Variants in SDK1 observed in about 807,000 individuals in gnomAD.
The protein encoded by SDK1 is sidekick cell adhesion molecule 1.
A neutral mutation model predicts 245.5 loss-of-function variants in SDK1; 157 were observed. That is an observed-to-expected ratio of 0.64 (90% CI 0.56 to 0.73). SDK1 has a LOEUF of 0.73. SDK1 is among the 30% of genes least tolerant of loss of function. The pLI is 0.00. For missense variants in SDK1, 3,583 were observed against 3,002.3 expected (o/e 1.19, Z -4.52); for synonymous variants, 1,647 against 1,278.5 (o/e 1.29, Z -6.15).
rs1781455378 is a variant in SDK1 at position 3,958,783 on chromosome 7, C to T, written c.1151-148C>T. On this transcript the variant is annotated intron_variant, in intron 7 of 44. Coordinates refer to ENST00000404826, the MANE Select transcript of SDK1 (RefSeq NM_152744.4). The stretch of plus-strand genomic sequence containing the variant: ...GTAAATTGCCTTTGGCCTGTGCTCA[C>T]TGAGTTCTGAGTTTGTATGCACGAT... 8.8e-6 allele frequency: 6 copies of T among 684,500 alleles called. 1 individual carries two copies. In the South Asian group the frequency reaches 1.1e-4, roughly 12 times the overall value. The allele number at this position is 684,500 out of a possible 1,614,324, so 42.4% of individuals were successfully genotyped here. A position where few individuals can be genotyped will look rare whatever the true frequency, so the allele number is the denominator to read the frequency against.
chr7:3,882,105 G>C (rs570296640), intron 5 of SDK1, among the ~76,000 whole-genome samples: 1 of 152,134 alleles, frequency 6.6e-6, no homozygotes, highest in African/African-American at 2.4e-5. Flanking sequence ...CAAGTGAAAG[G>C]GGAAACTCCT....
intron 4 of SDK1, among the ~76,000 whole-genome samples, chr7:3,723,935 T>G (rs545275568): frequency 5.0e-5 from 6 of 120,300 alleles, no homozygotes; most frequent in African/African-American, 1.9e-4. Context: ...TATATATATA[T>G]ATATATATAG....
intron 4 of SDK1, among the ~76,000 whole-genome samples, chr7:3,653,546 G>A (rs1247406624): frequency 2.6e-5 from 4 of 152,270 alleles, no homozygotes; most frequent in African/African-American, 9.6e-5. Context: ...GGCAGGAGAA[G>A]CCAGTGGAGG....
At position 4,183,164 on chromosome 7, in the gene SDK1, G is replaced by A. The variant is rs372528134; in HGVS notation, c.5098+4578G>A. ...GGCCACAGGACCCCCTAAGCCGTGA[G>A]TCGTGAGTCATGAGTCCAGATGGGG... On this transcript the variant is annotated intron_variant, in intron 35 of 44. Coordinates refer to ENST00000404826, the MANE Select transcript of SDK1 (RefSeq NM_152744.4). Among the ~76,000 whole-genome samples, 16 of 152,328 alleles carry A rather than the reference G, an allele frequency of 1.1e-4. 1 individual carries two copies. The highest frequency in any genetic ancestry group is 3.8e-4 in the African/African-American group (16 of 41,576).
At chr7:3,363,706 A>G (rs1213572835) in intron 1 of SDK1, among the ~76,000 whole-genome samples, 1 of 152,170 alleles carries the variant, frequency 6.6e-6, no homozygotes, top group African/African-American at 2.4e-5. Flanking sequence ...TGCAGTTCAC[A>G]GTAGGGTTTG....
chr7:4,138,767 G>GAA (rs1179746689), intron 28 of SDK1, among the ~76,000 whole-genome samples: 14 of 148,514 alleles, frequency 9.4e-5, no homozygotes, highest in Non-Finnish European at 1.3e-4. Flanking sequence ...AAAAGAGAGA[G>GAA]AAAGAAAGAA....
At chr7:3,934,116 T>C (rs1018967085) in intron 5 of SDK1, among the ~76,000 whole-genome samples, 3 of 152,254 alleles carry the variant, frequency 2.0e-5, no homozygotes, top group African/African-American at 7.2e-5. Context: ...ATTTCTACTC[T>C]GTGAGTTGAA....
chr7:3,823,023 G>A (rs751031840), intron 5 of SDK1, among the ~76,000 whole-genome samples: 4 of 152,050 alleles, frequency 2.6e-5, no homozygotes, highest in Non-Finnish European at 4.4e-5. Context: ...ATCTCGCTCT[G>A]CAGAACGTAG....
chr7:3,961,843 A>G (rs1781705847), intron 8 of SDK1, among the ~76,000 whole-genome samples: 1 of 152,190 alleles, frequency 6.6e-6, no homozygotes, highest in African/African-American at 2.4e-5. Context: ...ACACATGCAC[A>G]TATATGCACC....
At chr7:3,513,091 G>A (rs1782632604) in intron 1 of SDK1, among the ~76,000 whole-genome samples, 2 of 152,254 alleles carry the variant, frequency 1.3e-5, no homozygotes, top group African/African-American at 2.4e-5. Flanking sequence ...AACATATTAT[G>A]AGATTACTTT....
At chr7:3,565,492 G>C (rs534585446) in intron 1 of SDK1, among the ~76,000 whole-genome samples, 42 of 152,186 alleles carry the variant, frequency 2.8e-4, no homozygotes, top group Non-Finnish European at 6.0e-4. Flanking sequence ...TAAAGGAATA[G>C]ATAAAATTGT....
intron 5 of SDK1, among the ~76,000 whole-genome samples, chr7:3,823,231 A>G (rs1340573609): frequency 6.6e-6 from 1 of 152,202 alleles, no homozygotes; most frequent in Non-Finnish European, 1.5e-5. Flanking sequence ...TGGAAATTGT[A>G]TTATCAAATA....
chr7:3,720,337 A>G (rs868048329), intron 4 of SDK1, among the ~76,000 whole-genome samples: 1 of 152,200 alleles, frequency 6.6e-6, no homozygotes, highest in South Asian at 2.1e-4. Context: ...CTGATGAAGA[A>G]CTAGAATATA....
At chr7:3,927,814 G>C (rs1395364526) in intron 5 of SDK1, among the ~76,000 whole-genome samples, 9 of 152,206 alleles carry the variant, frequency 5.9e-5, no homozygotes, top group African/African-American at 2.2e-4. Context: ...CTCACTTACT[G>C]TCTTTAGATA....
At chr7:3,745,713 C>T (rs559275376) in intron 4 of SDK1, among the ~76,000 whole-genome samples, 9 of 152,034 alleles carry the variant, frequency 5.9e-5, no homozygotes, top group Non-Finnish European at 1.2e-4. Flanking sequence ...TTGCCCCTGC[C>T]GTTTAACATT....
chr7:4,056,831 C>T (rs542777073), intron 19 of SDK1, among the ~76,000 whole-genome samples: 4 of 151,586 alleles, frequency 2.6e-5, no homozygotes, highest in African/African-American at 9.8e-5. Context: ...CATTCCGCCC[C>T]GGGTCCCGAC....
chr7:4,232,329 G>A (rs975494113), intron 40 of SDK1, among the ~76,000 whole-genome samples: 6 of 147,436 alleles, frequency 4.1e-5, no homozygotes, highest in Admixed American at 6.7e-5. Context: ...ACCCCTTTCA[G>A]CCCTGATGCT....
chr7:3,344,816 C>T (rs1306342133), intron 1 of SDK1, among the ~76,000 whole-genome samples: 1 of 152,162 alleles, frequency 6.6e-6, no homozygotes, highest in Non-Finnish European at 1.5e-5. Flanking sequence ...AAAAGTTCAG[C>T]AGTCCTAAAT....
chr7:3,323,983 A>G (rs1474140796), intron 1 of SDK1, among the ~76,000 whole-genome samples: 4 of 152,172 alleles, frequency 2.6e-5, no homozygotes, highest in African/African-American at 4.8e-5. Context: ...GTTTGGTCTC[A>G]TATTCCTCTG....
Sources: gnomAD v4.1 joint callset for allele counts (sites outside exome capture counted in the v4.1 genomes callset) on GRCh38, gnomAD v4.1.1 for gene constraint, MANE v1.5 for transcripts, NCBI Gene and HGNC (gene_info 2026-07-23, HGNC 2026-07-21) for gene names.